Variants in NEIL3 observed in about 807,000 individuals in gnomAD.
The protein encoded by NEIL3 is endonuclease 8-like 3.
NEIL3 carries 48 observed loss-of-function variants against 57.5 expected under a neutral mutation model. The ratio of observed to expected loss-of-function variants is 0.83; its 90% CI spans 0.66 to 1.06. NEIL3 has a LOEUF of 1.06. NEIL3 is among the 50% of genes least tolerant of loss of function. NEIL3 has a pLI of 0.00. For synonymous variants in NEIL3, 261 were observed against 253.2 expected (o/e 1.03, Z -0.29); for missense variants, 717 against 739.1 (o/e 0.97, Z 0.35).
At chr4:177,355,705 G>C (rs540890415) in intron 8 of NEIL3, among the ~76,000 whole-genome samples, 1 of 152,132 alleles carries the variant, frequency 6.6e-6, no homozygotes, top group East Asian at 1.9e-4. Context: ...TGGGGTGAGG[G>C]ACCATTTGGT....
At chr4:177,329,281 A>T (rs988993148) in intron 2 of NEIL3, among the ~76,000 whole-genome samples, 5 of 152,180 alleles carry the variant, frequency 3.3e-5, no homozygotes, top group African/African-American at 1.2e-4. Context: ...AATATAAATA[A>T]TCTAACCATC....
chr4:177,326,084 A>G (rs1734775350), intron 2 of NEIL3, among the ~76,000 whole-genome samples: 1 of 152,014 alleles, frequency 6.6e-6, no homozygotes, highest in African/African-American at 2.4e-5. Flanking sequence ...TTCATGGTTC[A>G]TTCATACGTT....
intron 4 of NEIL3, among the ~76,000 whole-genome samples, chr4:177,338,389 T>C (rs1401689777): frequency 6.6e-6 from 1 of 152,196 alleles, no homozygotes. Flanking sequence ...AGTCCTGCAG[T>C]TGGCCCTAGG....
chr4:177,330,706 A>T (rs1036459638), intron 2 of NEIL3, among the ~76,000 whole-genome samples: 1 of 152,228 alleles, frequency 6.6e-6, no homozygotes. Context: ...AGCTGCATTA[A>T]CCAAAGCAAA....
chr4:177,311,516 AAT>A (rs1389221063), intron 1 of NEIL3, among the ~76,000 whole-genome samples: 1 of 151,816 alleles, frequency 6.6e-6, no homozygotes, highest in Non-Finnish European at 1.5e-5. Context: ...TCCCTACAAA[AAT>A]AAAAAATTAG....
rs74534421 is a variant in NEIL3, at chr4:177,332,288, G to A, written c.279-3400G>A. 8.7e-3 allele frequency among the ~76,000 whole-genome samples: 1,331 copies of A among 152,254 alleles called. 18 individuals are homozygous for A. Among genetic ancestry groups the A allele is most frequent in the African/African-American group, 0.03 (1,262 of 41,528 alleles). ...CATCACAGTATTTTGTGCCAAAGCC[G>A]ATTTTCTGTTTCAACTCTAGGGACA... On this transcript the variant is annotated intron_variant, in intron 2 of 9. Transcript: ENST00000264596.
intron 6 of NEIL3, among the ~76,000 whole-genome samples, chr4:177,346,910 G>A (rs1458498608): frequency 6.6e-6 from 1 of 151,664 alleles, no homozygotes; most frequent in Non-Finnish European, 1.5e-5. Context: ...ACTGAGGCAG[G>A]ATAATTGCTT....
intron 1 of NEIL3, among the ~76,000 whole-genome samples, chr4:177,316,588 G>T (rs772009700): frequency 2.2e-4 from 33 of 152,084 alleles, no homozygotes; most frequent in Non-Finnish European, 4.1e-4. Flanking sequence ...GAGTCAAGCA[G>T]GATGGGGATG....
chr4:177,356,141 A>G (rs1735468964), intron 8 of NEIL3, among the ~76,000 whole-genome samples: 1 of 152,228 alleles, frequency 6.6e-6, no homozygotes, highest in Non-Finnish European at 1.5e-5. Flanking sequence ...TGATCATCTT[A>G]AAATATTGTG....
chr4:177,332,662 C>T (rs943279435), intron 2 of NEIL3, among the ~76,000 whole-genome samples: 2 of 152,086 alleles, frequency 1.3e-5, no homozygotes, highest in African/African-American at 2.4e-5. Context: ...CATGGGCCCA[C>T]GAGTGTGTAT....
At chr4:177,313,938 A>G (rs190888575) in intron 1 of NEIL3, among the ~76,000 whole-genome samples, 48 of 152,330 alleles carry the variant, frequency 3.2e-4, no homozygotes, top group African/African-American at 9.9e-4. Context: ...TGTGCATGTT[A>G]TATGGAAATT....
At chr4:177,355,507 T>C (rs1025298133) in intron 8 of NEIL3, among the ~76,000 whole-genome samples, 4 of 152,248 alleles carry the variant, frequency 2.6e-5, no homozygotes, top group African/African-American at 9.6e-5. Flanking sequence ...TTTTATTGTT[T>C]CATTATTTTT....
intron 2 of NEIL3, among the ~76,000 whole-genome samples, chr4:177,332,385 T>C (rs1377410352): frequency 6.6e-6 from 1 of 152,194 alleles, no homozygotes; most frequent in Admixed American, 6.6e-5. Context: ...CCGAAGGGTT[T>C]CCGCTGCTGT....
intron 6 of NEIL3, among the ~76,000 whole-genome samples, chr4:177,344,597 G>GA (rs11403136): frequency 0.037 from 5,662 of 152,100 alleles, 283 homozygotes; most frequent in East Asian, 0.28. Context: ...GTCTCACTCT[G>GA]ATCACCCAGG....
chr4:177,334,324 A>G (rs935849100), intron 2 of NEIL3, among the ~76,000 whole-genome samples: 10 of 152,162 alleles, frequency 6.6e-5, no homozygotes, highest in African/African-American at 2.2e-4. Context: ...AACAAAATAA[A>G]TAAAAATTTA....
At chr4:177,358,335 G>A (rs903237600) in intron 8 of NEIL3, among the ~76,000 whole-genome samples, 6 of 151,988 alleles carry the variant, frequency 3.9e-5, no homozygotes, top group Non-Finnish European at 7.4e-5. Context: ...TTGAGAAGGA[G>A]TCTTGTTCTG....
intron 2 of NEIL3, among the ~76,000 whole-genome samples, chr4:177,331,351 C>T (rs2110901370): frequency 6.6e-6 from 1 of 151,798 alleles, no homozygotes; most frequent in Non-Finnish European, 1.5e-5. Flanking sequence ...AATGTCTTCT[C>T]CCTGCTATCA....
chr4:177,348,041 C>T (rs1340733694), intron 6 of NEIL3, among the ~76,000 whole-genome samples: 1 of 152,138 alleles, frequency 6.6e-6, no homozygotes, highest in African/African-American at 2.4e-5. Flanking sequence ...TTGATAGTGA[C>T]ACATCTCCAA....
At chr4:177,363,497 A>C, downstream of NEIL3, among the ~76,000 whole-genome samples, 1 of 152,230 alleles carries the variant, frequency 6.6e-6, no homozygotes, top group East Asian at 1.9e-4. Context: ...TCTACAGAAC[A>C]GACCAGGAAC....
Sources: gnomAD v4.1 joint callset for allele counts (sites outside exome capture counted in the v4.1 genomes callset) on GRCh38, gnomAD v4.1.1 for gene constraint, MANE v1.5 for transcripts, NCBI Gene and HGNC (gene_info 2026-07-23, HGNC 2026-07-21) for gene names.